The following CECR2 variants were observed in gnomAD, a reference collection of about 807,000 sequenced individuals.
CECR2 encodes CECR2 histone acetyl-lysine reader.
Under a neutral mutation model 154.5 loss-of-function variants are expected in CECR2, and 30 were observed. The ratio of observed to expected loss-of-function variants is 0.19; its 90% confidence interval spans 0.15 to 0.26. The LOEUF (loss-of-function observed/expected upper bound fraction) is 0.26, where lower values mean the gene tolerates loss of function less well. Among genes scored for constraint, CECR2 ranks in the 10% least tolerant of loss-of-function variants. The pLI is 1.00. For synonymous variants in CECR2, 725 were observed against 683.7 expected (o/e 1.06, Z -0.94); for missense variants, 1,743 against 1,829.3 (o/e 0.95, Z 0.86).
intron 1 of CECR2, among the ~76,000 whole-genome samples, chr22:17,470,082 T>A (rs1454311483): frequency 6.6e-6 from 1 of 152,136 alleles, no homozygotes; most frequent in Non-Finnish European, 1.5e-5. Context: ...CTGAGCTGAT[T>A]GAATTGATTC....
At chr22:17,502,659 T>C (rs2055759589) in intron 5 of CECR2, among the ~76,000 whole-genome samples, 1 of 152,016 alleles carries the variant, frequency 6.6e-6, no homozygotes. Flanking sequence ...AAAAATTAGC[T>C]GCACCTGGTG....
chr22:17,406,423 T>G (rs2053985373), intron 1 of CECR2, among the ~76,000 whole-genome samples: 1 of 152,220 alleles, frequency 6.6e-6, no homozygotes, highest in African/African-American at 2.4e-5. Flanking sequence ...CTGAGGAGGC[T>G]GAAGCATGAG....
chr22:17,509,508 T>A (rs2055903934), intron 7 of CECR2, among the ~76,000 whole-genome samples: 1 of 151,796 alleles, frequency 6.6e-6, no homozygotes, highest in Admixed American at 6.6e-5. Context: ...TAGCTCATTG[T>A]AACCTTGAAT....
intron 8 of CECR2, among the ~76,000 whole-genome samples, chr22:17,523,838 G>A (rs1182410723): frequency 2.0e-5 from 3 of 150,954 alleles, no homozygotes; most frequent in African/African-American, 7.3e-5. Context: ...AACTGCCCCA[G>A]TTTCTCTTCT....
intron 7 of CECR2, among the ~76,000 whole-genome samples, chr22:17,509,194 T>G (rs2055897527): frequency 6.6e-6 from 1 of 151,718 alleles, no homozygotes; most frequent in South Asian, 2.1e-4. Context: ...GAGGTTGCAG[T>G]GAGATGAGAT....
At chr22:17,421,614 CAAAAAAAA>C (rs34156323) in intron 1 of CECR2, among the ~76,000 whole-genome samples, 20 of 23,374 alleles carry the variant, frequency 8.6e-4, no homozygotes, top group South Asian at 3.5e-3. Context: ...GACTCCGTCT[CAAAAAAAA>C]AAAAAAAAAA....
chr22:17,467,993 A>G (rs2055062651), intron 1 of CECR2, among the ~76,000 whole-genome samples: 1 of 152,188 alleles, frequency 6.6e-6, no homozygotes, highest in African/African-American at 2.4e-5. Flanking sequence ...CCTAGAAGAC[A>G]GTCATTAGTT....
At chr22:17,466,762 TTTTTG>T (rs1287598015) in intron 1 of CECR2, among the ~76,000 whole-genome samples, 1 of 152,074 alleles carries the variant, frequency 6.6e-6, no homozygotes, top group Non-Finnish European at 1.5e-5. Context: ...GCCTGGCTAA[TTTTTG>T]TATTTTTAGT....
chr22:17,475,321 G>A (rs2055191225), intron 1 of CECR2, among the ~76,000 whole-genome samples: 2 of 152,124 alleles, frequency 1.3e-5, no homozygotes, highest in Admixed American at 1.3e-4. Context: ...GGAGAACATT[G>A]GCCGGGGGGA....
intron 1 of CECR2, among the ~76,000 whole-genome samples, chr22:17,462,229 C>T (rs1399124330): frequency 6.6e-6 from 1 of 151,636 alleles, no homozygotes; most frequent in Middle Eastern, 3.4e-3. Context: ...ACGGTGAAAC[C>T]CTGTCTCTAC....
intron 1 of CECR2, among the ~76,000 whole-genome samples, chr22:17,398,302 G>GCTCAGTGA (rs1248000491): frequency 6.6e-6 from 1 of 152,116 alleles, no homozygotes; most frequent in Non-Finnish European, 1.5e-5. Context: ...GTCCGATCTG[G>GCTCAGTGA]CTCAGTGACT....
chr22:17,428,285 G>A (rs764407824), intron 1 of CECR2: 3 of 152,312 alleles, frequency 2.0e-5, no homozygotes, highest in Non-Finnish European at 4.4e-5. Context: ...GGTGATGGGA[G>A]TAGTCACATA....
At chr22:17,402,175 G>A in intron 1 of CECR2, among the ~76,000 whole-genome samples, 1 of 152,118 alleles carries the variant, frequency 6.6e-6, no homozygotes, top group African/African-American at 2.4e-5. Context: ...AGTAGAGACG[G>A]GATTTCACCA....
intron 1 of CECR2, among the ~76,000 whole-genome samples, chr22:17,459,444 A>G (rs2054903379): frequency 6.6e-6 from 1 of 151,598 alleles, no homozygotes; most frequent in African/African-American, 2.4e-5. Flanking sequence ...GTTGAGCGCC[A>G]CAACGCCCAG....
upstream of CECR2, among the ~76,000 whole-genome samples, chr22:17,366,338 C>A (rs2063001798): frequency 6.6e-6 from 1 of 152,140 alleles, no homozygotes; most frequent in South Asian, 2.1e-4. Flanking sequence ...CAGGGGCGTG[C>A]CACCACGCCC....
intron 1 of CECR2, among the ~76,000 whole-genome samples, chr22:17,415,517 C>G (rs2054144681): frequency 6.6e-6 from 1 of 152,236 alleles, no homozygotes; most frequent in Non-Finnish European, 1.5e-5. Context: ...GCTGGGATTA[C>G]AGGCGTGAGC....
At chr22:17,552,774 G>GTTTGTTTTTTTTTTTTTTTT in intron 18 of CECR2, 61 bp from the exon 19 acceptor site, 1 of 933,470 alleles carries the variant, frequency 1.1e-6, no homozygotes, top group Non-Finnish European at 1.5e-6. Flanking sequence ...GCTTACTTAA[G>GTTTGTTTTTTTTTTTTTTTT]TTTTTTTTTT....
upstream of CECR2, among the ~76,000 whole-genome samples, chr22:17,365,285 G>A (rs1044046234): frequency 6.6e-6 from 1 of 152,142 alleles, no homozygotes; most frequent in South Asian, 2.1e-4. Context: ...TTATGAAGAA[G>A]CCACACTTTC....
At chr22:17,519,292 G>T (rs1307669674) in intron 8 of CECR2, among the ~76,000 whole-genome samples, 46 of 114,618 alleles carry the variant, frequency 4.0e-4, no homozygotes, top group African/African-American at 5.4e-4. Context: ...GGTGTTTTGT[G>T]TTTTTTTTTT....
Sources: gnomAD v4.1 joint callset for allele counts (sites outside exome capture counted in the v4.1 genomes callset) on GRCh38, gnomAD v4.1.1 for gene constraint, MANE v1.5 for transcripts, NCBI Gene and HGNC (gene_info 2026-07-23, HGNC 2026-07-21) for gene names.